The following RIC3 variants were observed in gnomAD, a reference collection of about 807,000 sequenced individuals.
RIC3 encodes protein RIC-3.
In RIC3, 28 loss-of-function variants were observed where a neutral mutation model predicts 27.3. The ratio of observed to expected loss-of-function variants is 1.02; its 90% CI spans 0.76 to 1.41. The LOEUF is 1.41. Ranked by LOEUF, RIC3 falls within the 40% of genes most tolerant of loss-of-function variation. RIC3 has a pLI of 0.00. For synonymous variants in RIC3, 184 were observed against 160.4 expected, an observed-to-expected ratio of 1.15 and a Z score of -1.11; for missense variants, 501 against 444.7, an observed-to-expected ratio of 1.13 and a Z score of -1.14.
At chr11:8,122,619 T>C (rs1476900359) in intron 5 of RIC3, among the ~76,000 whole-genome samples, 1 of 152,148 alleles carries the variant, frequency 6.6e-6, no homozygotes, top group African/African-American at 2.4e-5. Flanking sequence ...ACAACCCAAA[T>C]GTTCCTCAAC....
At chr11:8,123,192 GA>G (rs1946648101) in intron 5 of RIC3, among the ~76,000 whole-genome samples, 2 of 145,696 alleles carry the variant, frequency 1.4e-5, no homozygotes, top group African/African-American at 2.5e-5. Flanking sequence ...AGCATGGTAA[GA>G]AAAAAAAAAG....
chr11:8,163,834 A>G (rs1220474620), intron 1 of RIC3, among the ~76,000 whole-genome samples: 1 of 150,326 alleles, frequency 6.7e-6, no homozygotes, highest in Non-Finnish European at 1.5e-5. Context: ...TTTTTGGCAG[A>G]AACCAAAGTG....
chr11:8,101,103 G>A (rs1944279619), downstream of RIC3: 3 of 1,357,830 alleles, frequency 2.2e-6, no homozygotes, highest in South Asian at 1.3e-5. Flanking sequence ...GTTTAAGAAT[G>A]TGAGCTATAC....
chr11:8,160,549 A>C (rs1027473582), intron 1 of RIC3, among the ~76,000 whole-genome samples: 2 of 152,220 alleles, frequency 1.3e-5, no homozygotes, highest in Non-Finnish European at 2.9e-5. Context: ...CGAAACATCA[A>C]GTGAACAGTA....
At chr11:8,139,701 A>T in intron 2 of RIC3, 1 of 355,180 alleles carries the variant, frequency 2.8e-6, no homozygotes, top group African/African-American at 2.3e-5. Context: ...CACTGGATTA[A>T]GAACCAAAAG....
intron 4 of RIC3, chr11:8,135,659 T>C (rs904150368): frequency 2.6e-5 from 4 of 152,242 alleles, no homozygotes; most frequent in African/African-American, 9.6e-5. Flanking sequence ...TTTATTTCAT[T>C]GAGCAGTGGT....
the RIC3 span, chr11:8,098,643 T>G: frequency 1.3e-6 from 1 of 749,662 alleles, no homozygotes. Flanking sequence ...TCCCTGGGCC[T>G]GCTCCTGTTC....
At chr11:8,137,761 C>A (rs569135355) in intron 3 of RIC3, among the ~76,000 whole-genome samples, 2 of 143,080 alleles carry the variant, frequency 1.4e-5, no homozygotes, top group African/African-American at 2.6e-5. Flanking sequence ...CTCTTACTTG[C>A]GGGTGGTAAA....
chr11:8,135,772 T>C lies in RIC3; in HGVS notation c.521+1606A>G, dbSNP rs573253031. 3.3e-5 allele frequency: 5 copies of C among 151,900 alleles called. No individual in the cohort carries two copies. The East Asian group carries it at 9.7e-4, about 29-fold the overall frequency. 9.4% of individuals were successfully genotyped at this position (151,900 alleles called of 1,614,324 possible). A position where few individuals can be genotyped will look rare whatever the true frequency, so the allele number is the denominator to read the frequency against. On this transcript the variant is annotated intron_variant, in intron 4 of 5. Coordinates refer to ENST00000309737, the MANE Select transcript of RIC3 (RefSeq NM_001206671.4). Reference sequence around the variant, plus strand: ...TGGGGTTGCCAATGGCCCAGGTGAGTGTAAAGATATTTTTTCAGACATAAC... The same window carrying C: ...TGGGGTTGCCAATGGCCCAGGTGAGCGTAAAGATATTTTTTCAGACATAAC...
rs1370216255 is a variant in RIC3 at position 8,106,165 on chromosome 11, A to G, written c.*4533T>C. ...ACAAACTTGGTATTTTCCCATGTTGACATTATGTATGTTGTAGAATTTAGT... is the reference window on the plus strand; with the variant it reads ...ACAAACTTGGTATTTTCCCATGTTGGCATTATGTATGTTGTAGAATTTAGT... On this transcript the variant is annotated 3_prime_UTR_variant, in exon 6 of 6. Transcript: ENST00000309737. The G allele has an allele frequency of 6.6e-6, 1 of 151,826 alleles. No individual in the cohort carries two copies. Among genetic ancestry groups the G allele is most frequent in the African/African-American group, 2.4e-5 (1 of 41,424 alleles). 9.4% of individuals were successfully genotyped at this position (151,826 alleles called of 1,614,324 possible). A position where few individuals can be genotyped will look rare whatever the true frequency, so the allele number is the denominator to read the frequency against.
At chr11:8,165,787 GT>G (rs796291178) in intron 1 of RIC3, among the ~76,000 whole-genome samples, 10,569 of 56,430 alleles carry the variant, frequency 0.19, 792 homozygotes, top group African/African-American at 0.45. Context: ...GTTTTGTTTT[GT>G]TTTTTTTTTT....
At chr11:8,119,841 A>G (rs568015906) in intron 5 of RIC3, among the ~76,000 whole-genome samples, 211 of 152,368 alleles carry the variant, frequency 1.4e-3, no homozygotes, top group African/African-American at 5.0e-3. Context: ...ACTCAAATTT[A>G]TAAGAAAAGA....
In RIC3 at chr11:8,110,581, A is replaced by G. The variant is rs754968562; in HGVS notation, c.*117T>C. The G allele has an allele frequency of 1.9e-5, 17 of 900,418 alleles. No homozygotes were observed. The highest frequency in any genetic ancestry group is 2.9e-5 in the Non-Finnish European group (16 of 543,372). 55.8% of individuals were successfully genotyped at this position (900,418 alleles called of 1,614,324 possible). A position where few individuals can be genotyped will look rare whatever the true frequency, so the allele number is the denominator to read the frequency against. The stretch of plus-strand genomic sequence containing the variant: ...ACATGATATCCATGATAGTGGCCTG[A>G]TAGCTATGACACTTGAACACAGTGA... On this transcript the variant is annotated 3_prime_UTR_variant, in exon 6 of 6. Coordinates refer to ENST00000309737, the MANE Select transcript of RIC3 (RefSeq NM_001206671.4).
At chr11:8,119,473 G>A (rs1050853891) in intron 5 of RIC3, among the ~76,000 whole-genome samples, 4 of 152,164 alleles carry the variant, frequency 2.6e-5, no homozygotes, top group Non-Finnish European at 5.9e-5. Context: ...AAATGGTGCT[G>A]GGAAAACTGG....
chr11:8,126,567 T>A, intron 5 of RIC3, 92 bp downstream of exon 5: 1 of 1,435,228 alleles, frequency 7.0e-7, no homozygotes, highest in Non-Finnish European at 9.5e-7. Context: ...GTTTATATAT[T>A]ATACCTCAAT....
At chr11:8,121,624 G>A (rs1050361251) in intron 5 of RIC3, among the ~76,000 whole-genome samples, 1 of 151,958 alleles carries the variant, frequency 6.6e-6, no homozygotes, top group African/African-American at 2.4e-5. Flanking sequence ...GCTGAGGCAC[G>A]AGAATCACTT....
rs1944629602 is a variant in RIC3 at position 8,106,244 on chromosome 11, C to T, written c.*4454G>A. ...AAATTAAACTTGAATCGTTTCAACA[C>T]TTCTGTGTACTTTTTTCATAAAGGG... On this transcript the variant is annotated 3_prime_UTR_variant, in exon 6 of 6. Coordinates refer to ENST00000309737, the MANE Select transcript of RIC3 (RefSeq NM_001206671.4). 2 of 152,144 alleles carry T rather than the reference C, an allele frequency of 1.3e-5. No individual in the cohort carries two copies. Among genetic ancestry groups the T allele is most frequent in the African/African-American group, 4.8e-5 (2 of 41,412 alleles). The allele number at this position is 152,144 out of a possible 1,614,324, so 9.4% of individuals were successfully genotyped here.
At chr11:8,148,201 T>C (rs1287108661) in intron 1 of RIC3, among the ~76,000 whole-genome samples, 1 of 152,180 alleles carries the variant, frequency 6.6e-6, no homozygotes, top group Non-Finnish European at 1.5e-5. Flanking sequence ...ATGGAAAATT[T>C]TGAAAAGAAA....
At chr11:8,120,505 C>T (rs982861784) in intron 5 of RIC3, among the ~76,000 whole-genome samples, 3 of 152,088 alleles carry the variant, frequency 2.0e-5, no homozygotes, top group Admixed American at 6.5e-5. Context: ...GGGTGAGGAA[C>T]ATCATACACC....
Sources: allele counts gnomAD v4.1 joint callset (sites outside exome capture counted in the v4.1 genomes callset), GRCh38; gene constraint gnomAD v4.1.1; transcripts MANE v1.5; gene names NCBI Gene and HGNC (gene_info 2026-07-23, HGNC 2026-07-21).